CACNA1H: variants seen among roughly 807,000 people sequenced by gnomAD.
The protein encoded by CACNA1H is calcium voltage-gated channel subunit alpha1 H.
Under a neutral mutation model 192.5 loss-of-function variants are expected in CACNA1H, and 149 were observed. That is an observed-to-expected ratio of 0.77 (90% CI 0.68 to 0.89). The LOEUF (loss-of-function observed/expected upper bound fraction) is 0.89. Among genes scored for constraint, CACNA1H ranks in the 40% least tolerant of loss-of-function variants. The pLI, the probability that CACNA1H is intolerant of heterozygous loss-of-function variation, is 0.00. For missense variants in CACNA1H, 4,257 were observed against 3,423.5 expected, an observed-to-expected ratio of 1.24 and a Z score of -6.08; for synonymous variants, 2,202 against 1,475.2, an observed-to-expected ratio of 1.49 and a Z score of -11.29.
chr16:1,174,466 C>T (rs1036854787), intron 2 of CACNA1H, among the ~76,000 whole-genome samples: 7 of 152,144 alleles, frequency 4.6e-5, no homozygotes, highest in Non-Finnish European at 1.0e-4. Context: ...GCACAGCCCA[C>T]CTGGCCCAGC....
At chr16:1,203,038 G>T (rs1287640697) in intron 9 of CACNA1H, among the ~76,000 whole-genome samples, 1 of 151,600 alleles carries the variant, frequency 6.6e-6, no homozygotes, top group Admixed American at 6.6e-5. Flanking sequence ...GCCCTTCCTG[G>T]TTCTGTACAC....
At chr16:1,186,377 A>G (rs1489282590) in intron 2 of CACNA1H, among the ~76,000 whole-genome samples, 2 of 151,982 alleles carry the variant, frequency 1.3e-5, no homozygotes, top group Non-Finnish European at 2.9e-5. Context: ...AGATTCCTGG[A>G]CGTTTCGCTT....
At position 1,212,072 on chromosome 16, in the gene CACNA1H, C is replaced by T; in HGVS notation, c.4693C>T (p.Gln1565Ter). The T allele has an allele frequency of 6.2e-7, 1 of 1,612,918 alleles. No individual in the cohort carries two copies. Among genetic ancestry groups the T allele is most frequent in the East Asian group, 2.2e-5 (1 of 44,874 alleles). ...VENFHKCRQHQEAEEARRREE... is the reference protein window; with the variant it reads ...VENFHKCRQH ...GAACTTCCACAAGTGCCGGCAGCAC[C>T]AGGAGGCGGAGGAGGCGCGGCGGCG... The change falls in exon 25 of 35, where the codon CAG (glutamine) becomes TAG (stop). Residue 1565 changes from glutamine (Q) to a stop codon, truncating the protein, a stop_gained. Transcript: ENST00000348261. LOFTEE classifies it high-confidence loss of function.
rs1192006204 is a variant in CACNA1H, at chr16:1,221,622, G to A, written c.*628G>A. On this transcript the variant is annotated 3_prime_UTR_variant, in exon 35 of 35. Coordinates refer to ENST00000348261, the MANE Select transcript of CACNA1H (RefSeq NM_021098.3). ...AATCAGGCCTCCCCTACATCTGGGGGCGTTGGCCGCGAGATTCCCATTGAC... is the reference window on the plus strand; with the variant it reads ...AATCAGGCCTCCCCTACATCTGGGGACGTTGGCCGCGAGATTCCCATTGAC... 5.3e-6 allele frequency: 4 copies of A among 749,872 alleles called. No individual in the cohort carries two copies. The highest frequency in any genetic ancestry group is 8.4e-6 in the Non-Finnish European group (4 of 478,284). The allele number at this position is 749,872 out of a possible 1,614,324, so 46.5% of individuals were successfully genotyped here. A position where few individuals can be genotyped will look rare whatever the true frequency, so the allele number is the denominator to read the frequency against.
intron 2 of CACNA1H, among the ~76,000 whole-genome samples, chr16:1,190,105 A>G (rs1966466265): frequency 6.6e-6 from 1 of 152,130 alleles, no homozygotes; most frequent in African/African-American, 2.4e-5. Flanking sequence ...TGCCTGAGGG[A>G]GACCCCGTAG....
chr16:1,184,672 C>A (rs1269690787), intron 2 of CACNA1H, among the ~76,000 whole-genome samples: 1 of 152,242 alleles, frequency 6.6e-6, no homozygotes. Flanking sequence ...TGAGGGCCTT[C>A]TGCTCAGCGA....
chr16:1,164,666 G>C (rs900960061), intron 2 of CACNA1H, among the ~76,000 whole-genome samples: 5 of 152,232 alleles, frequency 3.3e-5, no homozygotes, highest in Non-Finnish European at 7.3e-5. Context: ...ACCTGGGAGT[G>C]AGGCCTTTCC....
At chr16:1,205,357 G>A (rs980586305) in intron 11 of CACNA1H, 92 bp downstream of exon 11, 6 of 1,328,504 alleles carry the variant, frequency 4.5e-6, no homozygotes, top group Non-Finnish European at 6.2e-6. Flanking sequence ...CAGAGCACAG[G>A]AGGAAGTACG....
At position 1,220,690 on chromosome 16, in the gene CACNA1H, A is replaced by G; in HGVS notation, c.6758A>G (p.Gln2253Arg). 2 of 1,610,880 alleles carry G rather than the reference A, an allele frequency of 1.2e-6. No homozygotes were observed. The highest frequency in any genetic ancestry group is 1.7e-6 in the Non-Finnish European group (2 of 1,179,154). The change falls in exon 35 of 35, where the codon CAG (glutamine) becomes CGG (arginine). Residue 2253 changes from glutamine to arginine, a missense_variant. Coordinates refer to ENST00000348261, the MANE Select transcript of CACNA1H (RefSeq NM_021098.3). ...GCAGCCAAGGGGGAGCGCTGGGGCC[A>G]GGCCTCCTGCCGGGCTGAGCACCTG... ...DPAAKGERWG[Q>R]ASCRAEHLTV... is the part of the protein sequence containing the mutation.
rs1007462394 is a variant in CACNA1H, at chr16:1,209,329, G to T, written c.3661G>T (p.Val1221Leu). 1.9e-6 allele frequency: 3 copies of T among 1,598,022 alleles called. No homozygotes were observed. Among genetic ancestry groups the T allele is most frequent in the Non-Finnish European group, 2.5e-6 (3 of 1,179,392 alleles). The change falls in exon 17 of 35, where the codon GTG becomes TTG. Residue 1221 changes from valine (V) to leucine (L), a missense_variant. By Grantham distance (32) the Val-to-Leu change is conservative. Coordinates refer to ENST00000348261, the MANE Select transcript of CACNA1H (RefSeq NM_021098.3). ...CAAGTGCCGCGATCGCGACGGGCAG[G>T]TGGTGGCCCTGCCCAGCGACTTCTT... is the stretch of plus-strand genomic sequence containing the variant. Reference protein sequence around the residue: ...PTKCRDRDGQVVALPSDFFLR... With the variant: ...PTKCRDRDGQLVALPSDFFLR...
intron 33 of CACNA1H, 132 bp downstream of exon 33, chr16:1,218,783 G>A: frequency 1.7e-6 from 2 of 1,160,004 alleles, no homozygotes; most frequent in Non-Finnish European, 2.4e-6. Flanking sequence ...GGAGGATGGG[G>A]GCAGGCAGGA....
chr16:1,219,767 G>T lies in CACNA1H; in HGVS notation c.6049-214G>T, dbSNP rs182567497. ...GGCATCTCTGCCCACAGAGCAGCGG[G>T]TACAGGCTTTCCCCGGGAGCCTCAC... On this transcript the variant is annotated intron_variant, in intron 34 of 34. Transcript: ENST00000348261. Among the ~76,000 whole-genome samples, 27 of 140,058 alleles carry T rather than the reference G, an allele frequency of 1.9e-4. No individual in the cohort carries two copies. In the East Asian group the frequency reaches 4.8e-3, roughly 25 times the overall value. The allele number at this position is 140,058 out of a possible 152,430, so 91.9% of individuals were successfully genotyped here. A position where few individuals can be genotyped will look rare whatever the true frequency, so the allele number is the denominator to read the frequency against.
At chr16:1,162,939 G>A (rs973294384) in intron 2 of CACNA1H, among the ~76,000 whole-genome samples, 14 of 152,224 alleles carry the variant, frequency 9.2e-5, no homozygotes, top group African/African-American at 2.9e-4. Context: ...GCCACTCCAC[G>A]GGTGCCTGGC....
Position 1,219,095 on chromosome 16 carries a change from C to A in CACNA1H, c.6013C>A (p.Arg2005Ser), listed in dbSNP as rs72552056. The A allele has an allele frequency of 2.6e-6, 4 of 1,547,094 alleles. No individual in the cohort carries two copies. The African/African-American group carries it at 4.1e-5, about 16-fold the overall frequency. Reference protein sequence around the residue: ...LHALSPRGTARSPSLSRLLCR... With the variant: ...LHALSPRGTASSPSLSRLLCR... ...CGCCCTGTCCCCTCGGGGCACAGCCCGCTCCCCCAGTCTCAGCCGGCTGCT... is the reference window on the plus strand; with the variant it reads ...CGCCCTGTCCCCTCGGGGCACAGCCAGCTCCCCCAGTCTCAGCCGGCTGCT... Residue 2005 changes from arginine (R) to serine (S), a missense_variant, in exon 34 of 35, where the codon CGC (arginine) becomes AGC (serine). Physicochemically the swap from Arg to Ser is moderately radical, Grantham distance 110 (BLOSUM62 -1). Transcript: ENST00000348261.
At chr16:1,202,896 G>A (rs1416059253) in intron 9 of CACNA1H, among the ~76,000 whole-genome samples, 5 of 152,066 alleles carry the variant, frequency 3.3e-5, no homozygotes, top group Non-Finnish European at 5.9e-5. Flanking sequence ...GGGAGGCACC[G>A]TCGCAGAGTC....
chr16:1,199,034 ACCAT>A (rs1967377648), intron 6 of CACNA1H: 17 of 229,874 alleles, frequency 7.4e-5, no homozygotes, highest in Admixed American at 3.5e-4. Context: ...CCCACCCCCC[ACCAT>A]GGCTCCGCCC....
At position 1,221,464 on chromosome 16, in the gene CACNA1H, C is replaced by T. The variant is rs1319431128; in HGVS notation, c.*470C>T. 4 of 356,122 alleles carry T rather than the reference C, an allele frequency of 1.1e-5. No homozygotes were observed. Among genetic ancestry groups the T allele is most frequent in the Admixed American group, 9.2e-5 (2 of 21,808 alleles). 22.1% of individuals were successfully genotyped at this position (356,122 alleles called of 1,614,324 possible). ...AGTTCTTGTCCGCCTGTCACGCCCT[C>T]ACCACCCTCCCCTTCCAGCCACCAC... On this transcript the variant is annotated 3_prime_UTR_variant, in exon 35 of 35. Coordinates refer to ENST00000348261, the MANE Select transcript of CACNA1H (RefSeq NM_021098.3).
intron 9 of CACNA1H, among the ~76,000 whole-genome samples, 162 bp from the exon 10 acceptor site, chr16:1,203,848 C>T (rs1275726408): frequency 1.3e-5 from 2 of 152,204 alleles, no homozygotes; most frequent in South Asian, 2.1e-4. Flanking sequence ...TGCAAAGATC[C>T]TGCTTTCTGT....
intron 31 of CACNA1H, 37 bp downstream of exon 31, chr16:1,217,047 G>T (rs1205921492): frequency 5.9e-6 from 9 of 1,534,948 alleles, no homozygotes; most frequent in African/African-American, 1.4e-5. Flanking sequence ...GGCACACATG[G>T]GGTCCTGACA....
Sources: gnomAD v4.1 joint callset for allele counts (sites outside exome capture counted in the v4.1 genomes callset) on GRCh38, gnomAD v4.1.1 for gene constraint, MANE v1.5 for transcripts, NCBI Gene and HGNC (gene_info 2026-07-23, HGNC 2026-07-21) for gene names.